TENM3: variants seen among roughly 807,000 people sequenced by gnomAD.
TENM3 encodes teneurin transmembrane protein 3.
TENM3 carries 63 observed loss-of-function variants against 255.1 expected under a neutral mutation model. The ratio of observed to expected loss-of-function variants is 0.25; its 90% CI spans 0.20 to 0.30. The LOEUF is 0.30. Ranked by LOEUF, TENM3 falls within the 10% of genes least tolerant of loss-of-function variation. The pLI is 1.00. For missense variants in TENM3, 2,929 were observed against 3,461.1 expected (o/e 0.85, Z 3.86); for synonymous variants, 1,306 against 1,322.3 (o/e 0.99, Z 0.27).
the TENM3 span, among the ~76,000 whole-genome samples, chr4:181,930,451 A>C: frequency 4.6e-5 from 7 of 152,208 alleles, no homozygotes; most frequent in African/African-American, 1.4e-4. Context: ...CATACACCCT[A>C]CCAAGACTAA....
chr4:181,822,458 G>A, the TENM3 span, among the ~76,000 whole-genome samples: 18 of 152,288 alleles, frequency 1.2e-4, no homozygotes, highest in East Asian at 1.4e-3. Flanking sequence ...TAAGGAGAGA[G>A]TGTTATTTGT....
the TENM3 span, among the ~76,000 whole-genome samples, chr4:181,732,484 T>A: frequency 1.3e-5 from 2 of 152,172 alleles, no homozygotes; most frequent in Non-Finnish European, 2.9e-5. Context: ...ATGATTATCT[T>A]AAAGGCCTAA....
chr4:181,957,317 C>T, the TENM3 span, among the ~76,000 whole-genome samples: 2 of 152,200 alleles, frequency 1.3e-5, no homozygotes, highest in South Asian at 2.1e-4. Flanking sequence ...AGTTAATGAC[C>T]GATTGTTATC....
the TENM3 span, among the ~76,000 whole-genome samples, chr4:181,811,829 T>C: frequency 2.0e-5 from 3 of 152,150 alleles, no homozygotes; most frequent in African/African-American, 2.4e-5. Flanking sequence ...AAGGTGAGAT[T>C]TCGGTGGGGA....
the TENM3 span, among the ~76,000 whole-genome samples, chr4:182,017,916 AGAACAAAGGTCT>A: frequency 2.0e-5 from 3 of 152,364 alleles, no homozygotes; most frequent in South Asian, 6.2e-4. Flanking sequence ...GACAGAAAAC[AGAACAAAGGTCT>A]TAAAGCTACT....
chr4:182,674,694 G>C (rs2152556904), intron 7 of TENM3, among the ~76,000 whole-genome samples: 1 of 151,916 alleles, frequency 6.6e-6, no homozygotes, highest in East Asian at 1.9e-4. Context: ...TTCCACCCCA[G>C]CCTCCTGGGT....
chr4:182,343,619 C>G, intron 2 of TENM3, among the ~76,000 whole-genome samples: 1 of 152,008 alleles, frequency 6.6e-6, no homozygotes, highest in Non-Finnish European at 1.5e-5. Flanking sequence ...CCCACTACTA[C>G]AAGCCCAGCC....
At chr4:181,663,773 C>T in the TENM3 span, among the ~76,000 whole-genome samples, 1 of 152,148 alleles carries the variant, frequency 6.6e-6, no homozygotes, top group Non-Finnish European at 1.5e-5. Context: ...ATTCCCATGA[C>T]TTACTTCTTC....
intron 22 of TENM3, among the ~76,000 whole-genome samples, chr4:182,767,270 C>T (rs1053974507): frequency 1.3e-5 from 2 of 152,154 alleles, no homozygotes; most frequent in African/African-American, 4.8e-5. Flanking sequence ...TAAGATTCCG[C>T]ATCAGCCCGC....
At chr4:182,668,548 C>A (rs1754924163) in intron 6 of TENM3, among the ~76,000 whole-genome samples, 1 of 152,150 alleles carries the variant, frequency 6.6e-6, no homozygotes, top group Admixed American at 6.5e-5. Context: ...CTATCCCATT[C>A]AAGCACACTC....
At chr4:182,086,894 T>A in the TENM3 span, among the ~76,000 whole-genome samples, 11 of 152,312 alleles carry the variant, frequency 7.2e-5, no homozygotes, top group East Asian at 2.1e-3. Context: ...ACTTTGCCAA[T>A]CGCTCACTGA....
At chr4:182,281,029 G>A (rs974469619) in intron 1 of TENM3, among the ~76,000 whole-genome samples, 3 of 152,090 alleles carry the variant, frequency 2.0e-5, no homozygotes, top group South Asian at 4.1e-4. Context: ...CTCATCTGTC[G>A]GGTAATTTCT....
At chr4:181,513,590 G>A in the TENM3 span, among the ~76,000 whole-genome samples, 1 of 152,116 alleles carries the variant, frequency 6.6e-6, no homozygotes, top group African/African-American at 2.4e-5. Context: ...CAGAAAGACG[G>A]GAACAATAAG....
At chr4:181,454,066 C>G in the TENM3 span, among the ~76,000 whole-genome samples, 3 of 152,142 alleles carry the variant, frequency 2.0e-5, no homozygotes, top group Admixed American at 2.0e-4. Context: ...TAAAACCAGG[C>G]TGACATTACC....
the TENM3 span, among the ~76,000 whole-genome samples, chr4:181,893,109 G>A: frequency 6.2e-4 from 95 of 152,048 alleles, 1 homozygote; most frequent in East Asian, 0.01. Flanking sequence ...ATATAATTCC[G>A]TATTCCCAGA....
At chr4:181,888,520 A>ATATATATATATATATATATATGTG in the TENM3 span, among the ~76,000 whole-genome samples, 14 of 92,168 alleles carry the variant, frequency 1.5e-4, no homozygotes, top group African/African-American at 7.5e-4. Flanking sequence ...ATATATGTAT[A>ATATATATATATATATATATATGTG]TATATACATA....
Position 182,709,171 on chromosome 4 carries a change from C to T in TENM3, c.2222-4916C>T, listed in dbSNP as rs1040867871. On this transcript the variant is annotated intron_variant, in intron 12 of 27. Coordinates refer to ENST00000511685, the MANE Select transcript of TENM3 (RefSeq NM_001080477.4). ...CTAATTTTTGTATTTTTGGTAGAGT[C>T]GGGGTTTCACCATGTTGGCCAGGAT... 6.6e-5 allele frequency among the ~76,000 whole-genome samples: 10 copies of T among 151,836 alleles called. No homozygotes were observed. In the East Asian group the frequency reaches 9.8e-4, roughly 15 times the overall value.
intron 6 of TENM3, among the ~76,000 whole-genome samples, chr4:182,662,544 A>C (rs923248074): frequency 6.6e-6 from 1 of 152,098 alleles, no homozygotes; most frequent in Non-Finnish European, 1.5e-5. Context: ...CTTTTAGTAA[A>C]ACCTACAGAC....
intron 1 of TENM3, among the ~76,000 whole-genome samples, chr4:182,288,737 G>C (rs1472228324): frequency 6.6e-6 from 1 of 152,156 alleles, no homozygotes; most frequent in Non-Finnish European, 1.5e-5. Flanking sequence ...ACTGAAATTA[G>C]CTGCTGTGGA....
Sources: allele counts gnomAD v4.1 joint callset (sites outside exome capture counted in the v4.1 genomes callset), GRCh38; gene constraint gnomAD v4.1.1; transcripts MANE v1.5; gene names NCBI Gene and HGNC (gene_info 2026-07-23, HGNC 2026-07-21).